SYNPR: variants seen among roughly 807,000 people sequenced by gnomAD.
SYNPR encodes the protein synaptoporin.
In SYNPR, 23 loss-of-function variants were observed where a neutral mutation model predicts 32.9. The ratio of observed to expected loss-of-function variants is 0.70; its 90% CI spans 0.50 to 0.99. The LOEUF is 0.99. Among genes scored for constraint, SYNPR ranks in the 50% least tolerant of loss-of-function variants. SYNPR has a pLI of 0.00. For missense variants in SYNPR, 318 were observed against 349.3 expected (o/e 0.91, Z 0.71); for synonymous variants, 146 against 135.9 (o/e 1.07, Z -0.52).
At chr3:63,461,398 GA>G (rs1342718870) in intron 2 of SYNPR, among the ~76,000 whole-genome samples, 1 of 152,074 alleles carries the variant, frequency 6.6e-6, no homozygotes. Flanking sequence ...ACACATAAAT[GA>G]ATCAAAGTCA....
At chr3:63,390,523 G>T (rs573297053) in intron 2 of SYNPR, among the ~76,000 whole-genome samples, 2 of 152,312 alleles carry the variant, frequency 1.3e-5, no homozygotes, top group South Asian at 4.1e-4. Flanking sequence ...TTGTGGGGAT[G>T]CAATGCCAAT....
intron 2 of SYNPR, among the ~76,000 whole-genome samples, chr3:63,469,045 G>A (rs1430612168): frequency 6.6e-6 from 1 of 151,984 alleles, no homozygotes; most frequent in Non-Finnish European, 1.5e-5. Context: ...TTGCTCTATG[G>A]ATACAAATAC....
intron 2 of SYNPR, among the ~76,000 whole-genome samples, chr3:63,319,461 C>G (rs946197204): frequency 1.3e-5 from 2 of 151,916 alleles, no homozygotes; most frequent in Non-Finnish European, 2.9e-5. Context: ...ATTAGGATTT[C>G]TACATGCTAA....
At chr3:63,426,239 C>T (rs1699890874) in intron 2 of SYNPR, among the ~76,000 whole-genome samples, 1 of 152,136 alleles carries the variant, frequency 6.6e-6, no homozygotes, top group Admixed American at 6.5e-5. Context: ...CATTCAAACC[C>T]TTGTCTTCTC....
intron 2 of SYNPR, among the ~76,000 whole-genome samples, chr3:63,305,685 T>C (rs1218421191): frequency 6.6e-6 from 1 of 151,924 alleles, no homozygotes; most frequent in Non-Finnish European, 1.5e-5. Flanking sequence ...GTAACAAGCA[T>C]CCCAGGTATT....
chr3:63,246,828 T>C (rs2086294880), intron 1 of SYNPR, among the ~76,000 whole-genome samples: 1 of 152,080 alleles, frequency 6.6e-6, no homozygotes, highest in African/African-American at 2.4e-5. Context: ...TTTTATATAT[T>C]ACCAATTTAC....
At chr3:63,324,518 G>C (rs748427660) in intron 2 of SYNPR, among the ~76,000 whole-genome samples, 17 of 152,116 alleles carry the variant, frequency 1.1e-4, no homozygotes, top group Non-Finnish European at 2.4e-4. Flanking sequence ...AATCAGAACA[G>C]AGGGACCAAT....
intron 3 of SYNPR, among the ~76,000 whole-genome samples, chr3:63,554,803 C>A (rs1702566397): frequency 6.6e-6 from 1 of 151,940 alleles, no homozygotes; most frequent in Admixed American, 6.6e-5. Flanking sequence ...TTGCTCTGGG[C>A]AATAGGGCTA....
chr3:63,488,331 T>C (rs1701195148), intron 3 of SYNPR, among the ~76,000 whole-genome samples: 1 of 152,216 alleles, frequency 6.6e-6, no homozygotes, highest in Non-Finnish European at 1.5e-5. Flanking sequence ...TATCTCATTC[T>C]AATGTTTTGC....
chr3:63,547,120 G>A (rs776265585), intron 3 of SYNPR, among the ~76,000 whole-genome samples: 6 of 152,034 alleles, frequency 3.9e-5, no homozygotes, highest in African/African-American at 7.2e-5. Context: ...GTACTAGATC[G>A]TTTTATATTT....
chr3:63,316,955 A>G (rs557605678), intron 2 of SYNPR, among the ~76,000 whole-genome samples: 62 of 152,038 alleles, frequency 4.1e-4, no homozygotes, highest in African/African-American at 1.4e-3. Context: ...CAATTCAAAT[A>G]ATTTTTAAAT....
At chr3:63,303,632 A>G (rs755563310) in intron 2 of SYNPR, among the ~76,000 whole-genome samples, 15 of 152,164 alleles carry the variant, frequency 9.9e-5, no homozygotes, top group Non-Finnish European at 1.9e-4. Context: ...TAAAAGACAG[A>G]TATTTGTAAC....
chr3:63,477,738 T>C (rs1472513059), intron 2 of SYNPR, among the ~76,000 whole-genome samples: 1 of 152,198 alleles, frequency 6.6e-6, no homozygotes. Flanking sequence ...CCACTGTCCA[T>C]CTGCTAGATA....
At chr3:63,325,892 C>T (rs981193820) in intron 2 of SYNPR, among the ~76,000 whole-genome samples, 24 of 152,116 alleles carry the variant, frequency 1.6e-4, no homozygotes, top group Admixed American at 1.3e-3. Flanking sequence ...CTCATCTCCA[C>T]AACACTCTGG....
chr3:63,492,339 G>C (rs775030231), intron 3 of SYNPR, among the ~76,000 whole-genome samples: 5 of 152,140 alleles, frequency 3.3e-5, no homozygotes, highest in African/African-American at 7.2e-5. Context: ...TGGATTTAAG[G>C]CTTCCTAAGA....
intron 2 of SYNPR, among the ~76,000 whole-genome samples, chr3:63,427,146 TAA>T (rs36040199): frequency 1.4e-5 from 2 of 140,328 alleles, no homozygotes; most frequent in African/African-American, 2.6e-5. Flanking sequence ...TCTTTATCTT[TAA>T]AAAAAAAAAA....
In SYNPR at chr3:63,419,632, T is replaced by C. The variant is rs539542505; in HGVS notation, c.85-61200T>C. 3.3e-5 allele frequency among the ~76,000 whole-genome samples: 5 copies of C among 152,342 alleles called. No individual in the cohort carries two copies. The South Asian group carries it at 1.0e-3, about 32-fold the overall frequency. On this transcript the variant is annotated intron_variant, in intron 2 of 5. Transcript: ENST00000478300. ...GCTTTTCTTGAAAAACTAAAAAATC[T>C]AGCAACTATGGTCCCCCACATTTCC...
intron 2 of SYNPR, among the ~76,000 whole-genome samples, chr3:63,363,150 C>T (rs571537631): frequency 6.6e-6 from 1 of 152,206 alleles, no homozygotes; most frequent in Admixed American, 6.5e-5. Context: ...TTACCACTTA[C>T]CTTATTGCTA....
chr3:63,531,357 C>T (rs765609290), intron 3 of SYNPR, among the ~76,000 whole-genome samples: 14 of 152,072 alleles, frequency 9.2e-5, no homozygotes, highest in Non-Finnish European at 1.8e-4. Context: ...TTGCTTCTTC[C>T]TGGTTTTGGG....
Sources: gnomAD v4.1 joint callset for allele counts (sites outside exome capture counted in the v4.1 genomes callset) on GRCh38, gnomAD v4.1.1 for gene constraint, MANE v1.5 for transcripts, NCBI Gene and HGNC (gene_info 2026-07-23, HGNC 2026-07-21) for gene names.